RAD51B: variants seen among roughly 807,000 people sequenced by gnomAD.
The protein encoded by RAD51B is RAD51 paralog B, also known as DNA repair protein RAD51 homolog 2.
Under a neutral mutation model 42.2 loss-of-function variants are expected in RAD51B, and 38 were observed. The ratio of observed to expected loss-of-function variants is 0.90; its 90% CI spans 0.70 to 1.18. RAD51B has a LOEUF of 1.18. RAD51B is among the 50% of genes most tolerant of loss of function. RAD51B has a pLI of 0.00. For synonymous variants in RAD51B, 154 were observed against 145.2 expected, an observed-to-expected ratio of 1.06 and a Z score of -0.43; for missense variants, 373 against 400.7, an observed-to-expected ratio of 0.93 and a Z score of 0.59.
At chr14:68,275,257 A>G (rs1410079069) in intron 7 of RAD51B, among the ~76,000 whole-genome samples, 2 of 152,054 alleles carry the variant, frequency 1.3e-5, no homozygotes, top group Non-Finnish European at 2.9e-5. Context: ...TTTCTCTGTG[A>G]CCCTCATGTG....
chr14:68,562,288 A>C lies in RAD51B; in HGVS notation c.1037-32197A>C, dbSNP rs1212444362. ...CCAGATCTTTGCAACGGAAAATGCCACTTTTGAACGCCAAACCTCTGCCTG... is the reference window on the plus strand; with the variant it reads ...CCAGATCTTTGCAACGGAAAATGCCCCTTTTGAACGCCAAACCTCTGCCTG... On this transcript the variant is annotated intron_variant, in intron 10 of 10. Transcript: ENST00000487270. 4 of 985,418 alleles carry C rather than the reference A, an allele frequency of 4.1e-6. No homozygotes were observed. In the South Asian group the frequency reaches 1.9e-4, roughly 46 times the overall value. 61.0% of individuals were successfully genotyped at this position (985,418 alleles called of 1,614,324 possible). A position where few individuals can be genotyped will look rare whatever the true frequency, so the allele number is the denominator to read the frequency against.
intron 11 of RAD51B, among the ~76,000 whole-genome samples, chr14:68,670,123 C>T (rs1414090793): frequency 1.3e-5 from 2 of 152,202 alleles, no homozygotes; most frequent in African/African-American, 4.8e-5. Context: ...GGCTCTTGCT[C>T]ATAAACAGCC....
chr14:67,910,854 C>T lies in RAD51B; in HGVS notation c.756+23650C>T, dbSNP rs558749937. Among the ~76,000 whole-genome samples the T allele has an allele frequency of 1.6e-3, 245 of 151,846 alleles. 2 individuals are homozygous for T. Among genetic ancestry groups the T allele is most frequent in the Non-Finnish European group, 4.4e-4 (30 of 67,982 alleles). ...TGAGTCAGAGTCTTGCTCTGTTGCC[C>T]AGACTGTAGTGCAGTGGCACAATCT... On this transcript the variant is annotated intron_variant, in intron 7 of 10. Transcript: ENST00000471583.
At chr14:68,576,097 G>C (rs781582365) in intron 10 of RAD51B, among the ~76,000 whole-genome samples, 1 of 152,100 alleles carries the variant, frequency 6.6e-6, no homozygotes, top group Non-Finnish European at 1.5e-5. Context: ...TGAGAGCAGT[G>C]GTCCCAAGGG....
At chr14:68,456,484 C>T (rs1487603128) in intron 9 of RAD51B, among the ~76,000 whole-genome samples, 1 of 151,552 alleles carries the variant, frequency 6.6e-6, no homozygotes, top group Non-Finnish European at 1.5e-5. Flanking sequence ...TTACTGGAAA[C>T]AAAAAAAGAG....
intron 10 of RAD51B, among the ~76,000 whole-genome samples, chr14:68,508,293 C>G (rs1885484939): frequency 6.6e-6 from 1 of 152,120 alleles, no homozygotes; most frequent in Non-Finnish European, 1.5e-5. Context: ...TAGCAGGACT[C>G]TAAAGACTGG....
rs34098699 is a variant in RAD51B at position 68,477,977 on chromosome 14, G to A, written c.*313G>A. 428 of 1,141,894 alleles carry A rather than the reference G, an allele frequency of 3.7e-4. 1 individual carries two copies. The African/African-American group carries it at 5.6e-3, about 15-fold the overall frequency. 70.7% of individuals were successfully genotyped at this position (1,141,894 alleles called of 1,614,324 possible). ...ACCTTTCAACCAGGCACCTCAAAGC[G>A]GTTTAACCACATTAATTAATTAAAG... is the stretch of plus-strand genomic sequence containing the variant. On this transcript the variant is annotated 3_prime_UTR_variant, in exon 11 of 11. Transcript: ENST00000471583.
intron 8 of RAD51B, among the ~76,000 whole-genome samples, chr14:68,351,714 G>A (rs1260915187): frequency 2.6e-5 from 4 of 152,152 alleles, no homozygotes; most frequent in Non-Finnish European, 5.9e-5. Flanking sequence ...CAAGAGTGAG[G>A]GAATGTGCGG....
At chr14:68,605,279 T>C (rs1891401497) in intron 10 of RAD51B, among the ~76,000 whole-genome samples, 1 of 152,264 alleles carries the variant, frequency 6.6e-6, no homozygotes, top group African/African-American at 2.4e-5. Flanking sequence ...GCTCGTTCCC[T>C]GGTGCTGCAA....
At chr14:68,471,693 CAAAAAAA>C (rs35932002) in intron 10 of RAD51B, among the ~76,000 whole-genome samples, 4 of 130,612 alleles carry the variant, frequency 3.1e-5, no homozygotes, top group Non-Finnish European at 4.9e-5. Context: ...TCTCCTTTTG[CAAAAAAA>C]AAAAAAAGGA....
Position 68,339,347 on chromosome 14 carries a change from G to C in RAD51B, c.853+47367G>C, listed in dbSNP as rs545228283. 5.1e-5 allele frequency: 52 copies of C among 1,028,694 alleles called. 1 individual carries two copies. In the South Asian group the frequency reaches 6.6e-4, roughly 13 times the overall value. 63.7% of individuals were successfully genotyped at this position (1,028,694 alleles called of 1,614,324 possible). A position where few individuals can be genotyped will look rare whatever the true frequency, so the allele number is the denominator to read the frequency against. ...GGATGGCTCTCTGCCGCTGCAACCT[G>C]ATATAGTGGGGCCATTTCACAAAGC... On this transcript the variant is annotated intron_variant, in intron 8 of 10. Coordinates refer to ENST00000471583, the MANE Select transcript of RAD51B (RefSeq NM_133510.4).
At position 67,863,655 on chromosome 14, in the gene RAD51B, TA is replaced by T. The variant is rs35067050; in HGVS notation, c.316-1339del. ...TCTCCTCTCCCCTTCCTCTCAATGT[TA>T]AAAAAAAAGTTCTTTAGTGTTATTT... On this transcript the variant is annotated intron_variant, in intron 4 of 10. Transcript: ENST00000471583. Among the ~76,000 whole-genome samples the T allele has an allele frequency of 5.2e-4, 79 of 151,246 alleles. 1 individual carries two copies. The highest frequency in any genetic ancestry group is 1.0e-3 in the South Asian group (5 of 4,770).
At chr14:68,513,402 G>A (rs1021352886) in intron 10 of RAD51B, among the ~76,000 whole-genome samples, 13 of 152,204 alleles carry the variant, frequency 8.5e-5, no homozygotes, top group African/African-American at 3.1e-4. Flanking sequence ...TTAAATTGTA[G>A]GGTTGGAACC....
At chr14:68,677,599 T>C (rs1893338073) in intron 11 of RAD51B, among the ~76,000 whole-genome samples, 1 of 152,226 alleles carries the variant, frequency 6.6e-6, no homozygotes, top group Admixed American at 6.5e-5. Context: ...TTGTGAAACC[T>C]TGTGTCCTTT....
intron 9 of RAD51B, among the ~76,000 whole-genome samples, chr14:68,457,343 G>T (rs117730186): frequency 0.022 from 3,369 of 152,212 alleles, 47 homozygotes; most frequent in Middle Eastern, 0.051. Context: ...AGAGAAATTA[G>T]AAATGAGTGA....
At chr14:68,425,860 T>C (rs1268532474) in intron 9 of RAD51B, among the ~76,000 whole-genome samples, 1 of 152,158 alleles carries the variant, frequency 6.6e-6, no homozygotes, top group Non-Finnish European at 1.5e-5. Flanking sequence ...AAGAAGAGAA[T>C]GAGAAACTTC....
chr14:68,038,428 A>G (rs2076167320), intron 7 of RAD51B, among the ~76,000 whole-genome samples: 1 of 151,652 alleles, frequency 6.6e-6, no homozygotes, highest in East Asian at 1.9e-4. Flanking sequence ...TCAAATGAAT[A>G]TCTGTTTCCT....
intron 8 of RAD51B, among the ~76,000 whole-genome samples, chr14:68,386,214 T>C (rs896700204): frequency 6.6e-6 from 1 of 152,212 alleles, no homozygotes; most frequent in African/African-American, 2.4e-5. Context: ...CCAGCTTTTG[T>C]GCTGTGGGTT....
intron 4 of RAD51B, among the ~76,000 whole-genome samples, chr14:67,837,294 T>G (rs1362581824): frequency 6.7e-6 from 1 of 150,310 alleles, no homozygotes. Flanking sequence ...TATTACAGTG[T>G]GATCCACAGT....
Sources: gnomAD v4.1 joint callset for allele counts (sites outside exome capture counted in the v4.1 genomes callset) on GRCh38, gnomAD v4.1.1 for gene constraint, MANE v1.5 for transcripts, NCBI Gene and HGNC (gene_info 2026-07-23, HGNC 2026-07-21) for gene names.